EREG: variants seen among roughly 807,000 people sequenced by gnomAD.
EREG encodes the protein epiregulin.
In EREG, 23 loss-of-function variants were observed where a neutral mutation model predicts 22.4. That is an observed-to-expected ratio of 1.03 (90% CI 0.74 to 1.46). The LOEUF (loss-of-function observed/expected upper bound fraction) is 1.46, where lower values mean the gene tolerates loss of function less well. EREG is among the 40% of genes most tolerant of loss of function. The pLI, the probability that EREG is intolerant of heterozygous loss-of-function variation, is 0.00. For missense variants in EREG, 226 were observed against 205.9 expected (o/e 1.10, Z -0.60); for synonymous variants, 100 against 75.4 (o/e 1.33, Z -1.69).
In EREG at chr4:74,387,850, A is replaced by G. The variant is rs1268031488; in HGVS notation, c.*3042A>G. 4 of 152,252 alleles carry G rather than the reference A, an allele frequency of 2.6e-5. No individual in the cohort carries two copies. The highest frequency in any genetic ancestry group is 5.9e-5 in the Non-Finnish European group (4 of 68,036). 9.4% of individuals were successfully genotyped at this position (152,252 alleles called of 1,614,324 possible). A position where few individuals can be genotyped will look rare whatever the true frequency, so the allele number is the denominator to read the frequency against. The stretch of plus-strand genomic sequence containing the variant: ...AACCCAGTTAACTTACTCTTTAACC[A>G]GGAATATTAAGTTCTATAACTAGTA... On this transcript the variant is annotated 3_prime_UTR_variant, in exon 5 of 5. Transcript: ENST00000244869.
At chr4:74,372,865 T>TG (rs1752314450) in intron 1 of EREG, among the ~76,000 whole-genome samples, 1 of 136,068 alleles carries the variant, frequency 7.3e-6, no homozygotes, top group Non-Finnish European at 1.5e-5. Context: ...TGGAGTGCAG[T>TG]GGGGTGATCT....
At position 74,388,196 on chromosome 4, in the gene EREG, C is replaced by A. The variant is rs991316043; in HGVS notation, c.*3388C>A. 6.6e-6 allele frequency: 1 copy of A among 152,026 alleles called. No individual in the cohort carries two copies. The highest frequency in any genetic ancestry group is 2.4e-5 in the African/African-American group (1 of 41,402). 9.4% of individuals were successfully genotyped at this position (152,026 alleles called of 1,614,324 possible). A position where few individuals can be genotyped will look rare whatever the true frequency, so the allele number is the denominator to read the frequency against. ...AGTTTTTAAAAACCTGTATCTGACC[C>A]ACTTTGTAATTTTTGCTCCAATATC... is the stretch of plus-strand genomic sequence containing the variant. On this transcript the variant is annotated 3_prime_UTR_variant, in exon 5 of 5. Transcript: ENST00000244869.
intron 1 of EREG, among the ~76,000 whole-genome samples, chr4:74,366,205 T>C (rs1752178809): frequency 6.6e-6 from 1 of 152,142 alleles, no homozygotes. Flanking sequence ...TTCCTTAAAC[T>C]TCAGTTTAAG....
chr4:74,371,342 A>T (rs1339519500), intron 1 of EREG, among the ~76,000 whole-genome samples: 1 of 152,184 alleles, frequency 6.6e-6, no homozygotes, highest in Non-Finnish European at 1.5e-5. Flanking sequence ...TCAGCTTGGC[A>T]ATATTTATTG....
chr4:74,375,441 C>A (rs1436673717), intron 1 of EREG, among the ~76,000 whole-genome samples: 1 of 150,910 alleles, frequency 6.6e-6, no homozygotes, highest in Non-Finnish European at 1.5e-5. Flanking sequence ...GCCTCAGCCG[C>A]CTGAGTAGCT....
intron 1 of EREG, among the ~76,000 whole-genome samples, chr4:74,371,211 C>T (rs543698034): frequency 6.6e-6 from 1 of 152,142 alleles, no homozygotes; most frequent in East Asian, 1.9e-4. Flanking sequence ...TTTTTAATTG[C>T]TGTTACACAT....
chr4:74,382,575 TA>T (rs1560599980), intron 3 of EREG, 69 bp from the exon 4 acceptor site: 1 of 1,308,844 alleles, frequency 7.6e-7, no homozygotes, highest in African/African-American at 1.5e-5. Flanking sequence ...TTAGTCCTTA[TA>T]AAACTAATTC....
intron 1 of EREG, among the ~76,000 whole-genome samples, chr4:74,367,054 C>T (rs1158893603): frequency 1.3e-5 from 2 of 152,154 alleles, no homozygotes; most frequent in Non-Finnish European, 2.9e-5. Context: ...AAATACTTTT[C>T]CCAAATCTTG....
intron 1 of EREG, among the ~76,000 whole-genome samples, chr4:74,371,239 A>C (rs1752285097): frequency 6.6e-6 from 1 of 152,120 alleles, no homozygotes; most frequent in South Asian, 2.1e-4. Flanking sequence ...CATACTTCAC[A>C]GTTTGGAAAA....
intron 2 of EREG, among the ~76,000 whole-genome samples, chr4:74,380,083 A>T (rs555820806): frequency 6.6e-6 from 1 of 152,264 alleles, no homozygotes; most frequent in South Asian, 2.1e-4. Flanking sequence ...AGGACTGTGG[A>T]CTCCAGATAT....
intron 1 of EREG, 89 bp downstream of exon 1, chr4:74,365,464 G>A: frequency 2.0e-6 from 2 of 1,022,218 alleles, no homozygotes; most frequent in South Asian, 1.4e-5. Context: ...CAAGTACGGA[G>A]TTGTCTCCAG....
Position 74,379,506 on chromosome 4 carries a change from A to G in EREG, c.126A>G (p.Gly42=), listed in dbSNP as rs1357682882. 2 of 1,611,560 alleles carry G rather than the reference A, an allele frequency of 1.2e-6. No homozygotes were observed. The highest frequency in any genetic ancestry group is 1.7e-6 in the Non-Finnish European group (2 of 1,177,658). Reference sequence around the variant, plus strand: ...CTGTGATTCCATCATGTATCCCAGGAGAGTCCAGTGATAACTGCACAGCTT... The same window carrying G: ...CTGTGATTCCATCATGTATCCCAGGGGAGTCCAGTGATAACTGCACAGCTT... ...STTVIPSCIP[G]ESSDNCTALV... is the part of the protein sequence containing the mutation. Residue 42 remains glycine, a synonymous_variant, in exon 2 of 5, where the codon GGA becomes GGG. Transcript: ENST00000244869.
chr4:74,374,965 C>T (rs952541261), intron 1 of EREG, among the ~76,000 whole-genome samples: 3 of 152,172 alleles, frequency 2.0e-5, no homozygotes, highest in Non-Finnish European at 2.9e-5. Flanking sequence ...AAAAGAAGCG[C>T]CAACTGCCAA....
At chr4:74,379,045 A>G (rs1040168764) in intron 1 of EREG, among the ~76,000 whole-genome samples, 1 of 152,184 alleles carries the variant, frequency 6.6e-6, no homozygotes, top group African/African-American at 2.4e-5. Flanking sequence ...GTAAGTGGAA[A>G]CCGATTTTTT....
chr4:74,384,685 A>G, intron 4 of EREG, 42 bp from the exon 5 acceptor site: 1 of 1,147,878 alleles, frequency 8.7e-7, no homozygotes, highest in Middle Eastern at 1.9e-4. Context: ...TTCCTTTGCT[A>G]TTAACTGCAG....
chr4:74,385,548 A>G lies in EREG; in HGVS notation c.*740A>G, dbSNP rs1253365173. 8.9e-6 allele frequency: 2 copies of G among 225,632 alleles called. No individual in the cohort carries two copies. Among genetic ancestry groups the G allele is most frequent in the African/African-American group, 2.2e-5 (1 of 44,684 alleles). 14.0% of individuals were successfully genotyped at this position (225,632 alleles called of 1,614,324 possible). A position where few individuals can be genotyped will look rare whatever the true frequency, so the allele number is the denominator to read the frequency against. ...CTTTTATTTAAGTAGTGGGCATTTC[A>G]TAGCTTCACAATGTTCCTTTTTTGT... On this transcript the variant is annotated 3_prime_UTR_variant, in exon 5 of 5. Transcript: ENST00000244869.
Position 74,384,814 on chromosome 4 carries a change from G to T in EREG, c.*6G>T. 6.3e-7 allele frequency: 1 copy of T among 1,585,300 alleles called. No homozygotes were observed. The highest frequency in any genetic ancestry group is 8.7e-7 in the Non-Finnish European group (1 of 1,154,544). Reference sequence around the variant, plus strand: ...CAGAGTTGCCGCAAGTCTGAATGGCGCCATCAAACTTATGGGCAGGGATAA... The same window carrying T: ...CAGAGTTGCCGCAAGTCTGAATGGCTCCATCAAACTTATGGGCAGGGATAA... On this transcript the variant is annotated 3_prime_UTR_variant, in exon 5 of 5. Coordinates refer to ENST00000244869, the MANE Select transcript of EREG (RefSeq NM_001432.3).
chr4:74,379,307 T>C, intron 1 of EREG, 141 bp from the exon 2 acceptor site: 1 of 551,300 alleles, frequency 1.8e-6, no homozygotes, highest in South Asian at 2.8e-5. Flanking sequence ...CCTGTTTCCA[T>C]GAATTATTTT....
chr4:74,374,969 C>A (rs1262258840), intron 1 of EREG, among the ~76,000 whole-genome samples: 2 of 152,220 alleles, frequency 1.3e-5, no homozygotes, highest in African/African-American at 4.8e-5. Flanking sequence ...GAAGCGCCAA[C>A]TGCCAATTTT....
Sources: gnomAD v4.1 joint callset for allele counts (sites outside exome capture counted in the v4.1 genomes callset) on GRCh38, gnomAD v4.1.1 for gene constraint, MANE v1.5 for transcripts, NCBI Gene and HGNC (gene_info 2026-07-23, HGNC 2026-07-21) for gene names.